Variants in IVD observed in about 807,000 individuals in gnomAD.
IVD encodes isovaleryl-CoA dehydrogenase, mitochondrial.
A neutral mutation model predicts 51.3 loss-of-function variants in IVD; 31 were observed. The ratio of observed to expected loss-of-function variants is 0.60; its 90% CI spans 0.45 to 0.81. The LOEUF is 0.81. Among genes scored for constraint, IVD ranks in the 40% least tolerant of loss-of-function variants. The pLI is 0.00. For synonymous variants in IVD, 205 were observed against 219.4 expected, an observed-to-expected ratio of 0.93 and a Z score of 0.58; for missense variants, 475 against 552.0, an observed-to-expected ratio of 0.86 and a Z score of 1.40.
At chr15:40,429,012 C>T (rs745627870), downstream of IVD, among the ~76,000 whole-genome samples, 22 of 152,170 alleles carry the variant, frequency 1.4e-4, no homozygotes, top group Non-Finnish European at 2.9e-4. Context: ...TCCCTATGGC[C>T]ACTCCTGTGG....
At chr15:40,410,087 C>T (rs987545723) in intron 3 of IVD, among the ~76,000 whole-genome samples, 4 of 152,118 alleles carry the variant, frequency 2.6e-5, no homozygotes, top group East Asian at 1.9e-4. Flanking sequence ...CTGCCCACCT[C>T]AGCCTCCCAA....
At position 40,421,007 on chromosome 15, in the gene IVD, G is replaced by A; in HGVS notation, c.*2744G>A. ...CCTAGCCTGAGGCTTGAGACAGGTG[G>A]GGTTGGCTCCTCACCAACCCCAGTT... On this transcript the variant is annotated 3_prime_UTR_variant, in exon 12 of 12. Coordinates refer to ENST00000487418, the MANE Select transcript of IVD (RefSeq NM_002225.5). 2 of 985,490 alleles carry A rather than the reference G, an allele frequency of 2.0e-6. No individual in the cohort carries two copies. Among genetic ancestry groups the A allele is most frequent in the Non-Finnish European group, 2.4e-6 (2 of 829,976 alleles). The allele number at this position is 985,490 out of a possible 1,614,324, so 61.0% of individuals were successfully genotyped here.
At chr15:40,431,713 A>G (rs983261599) in intron 7 of IVD, among the ~76,000 whole-genome samples, 2 of 151,882 alleles carry the variant, frequency 1.3e-5, no homozygotes, top group Non-Finnish European at 2.9e-5. Flanking sequence ...AAAAAAGATT[A>G]TGTGTAAAGA....
At position 40,418,359 on chromosome 15, in the gene IVD, C is replaced by A. The variant is rs751207255; in HGVS notation, c.*96C>A. On this transcript the variant is annotated 3_prime_UTR_variant, in exon 12 of 12. Transcript: ENST00000487418. ...CCCACCCTGCCCACAGCAGGCCCTC[C>A]TGCCCAGCTGCTCTTGTCAGCCCTC... The A allele has an allele frequency of 5.6e-6, 9 of 1,599,148 alleles. No homozygotes were observed. The highest frequency in any genetic ancestry group is 1.3e-5 in the African/African-American group (1 of 74,694).
downstream of IVD, among the ~76,000 whole-genome samples, chr15:40,421,885 G>A (rs1892326224): frequency 6.6e-6 from 1 of 152,190 alleles, no homozygotes; most frequent in Non-Finnish European, 1.5e-5. Flanking sequence ...GACTAGACCT[G>A]GTGTCAACAC....
At chr15:40,435,302 A>G in intron 8 of IVD, 3 of 673,286 alleles carry the variant, frequency 4.5e-6, no homozygotes, top group Non-Finnish European at 5.5e-6. Flanking sequence ...GGAGGAGTGG[A>G]GCATGGGGGT....
At chr15:40,416,595 G>T (rs549212475) in intron 11 of IVD, among the ~76,000 whole-genome samples, 3 of 152,284 alleles carry the variant, frequency 2.0e-5, no homozygotes, top group Admixed American at 2.0e-4. Flanking sequence ...TACTTGGGAG[G>T]CTGAGGCAGG....
Position 40,418,495 on chromosome 15 carries a change from A to G in IVD, c.*232A>G, listed in dbSNP as rs1891958090. Reference sequence around the variant, plus strand: ...TGTGATTTAAAATGGACTCAGCAGGAAGCATATTGTCTGGGGATTGTTGGG... The same window carrying G: ...TGTGATTTAAAATGGACTCAGCAGGGAGCATATTGTCTGGGGATTGTTGGG... On this transcript the variant is annotated 3_prime_UTR_variant, in exon 12 of 12. Transcript: ENST00000487418. 1 of 1,359,316 alleles carries G rather than the reference A, an allele frequency of 7.4e-7. No individual in the cohort carries two copies. The highest frequency in any genetic ancestry group is 1.5e-5 in the African/African-American group (1 of 68,082). The allele number at this position is 1,359,316 out of a possible 1,614,324, so 84.2% of individuals were successfully genotyped here.
chr15:40,435,337 G>A, intron 8 of IVD: 1 of 952,396 alleles, frequency 1.0e-6, no homozygotes. Flanking sequence ...CCCGGGGAAA[G>A]AGATGGTAGA....
downstream of IVD, among the ~76,000 whole-genome samples, chr15:40,423,903 G>A (rs898281610): frequency 6.6e-6 from 1 of 152,190 alleles, no homozygotes; most frequent in African/African-American, 2.4e-5. Flanking sequence ...TCACATTCCT[G>A]GCTGTCCCCA....
At chr15:40,417,502 CAAAA>C (rs61345321) in intron 11 of IVD, among the ~76,000 whole-genome samples, 1 of 88,634 alleles carries the variant, frequency 1.1e-5, no homozygotes, top group African/African-American at 3.9e-5. Context: ...AGCATGACTC[CAAAA>C]AAAAAAAAAA....
chr15:40,426,331 A>T (rs1892672173), downstream of IVD, among the ~76,000 whole-genome samples: 1 of 152,012 alleles, frequency 6.6e-6, no homozygotes, highest in African/African-American at 2.4e-5. Context: ...TGAGGTCAGG[A>T]GTTTGAAACA....
downstream of IVD, chr15:40,421,429 T>C (rs1024851025): frequency 7.1e-6 from 7 of 982,984 alleles, no homozygotes; most frequent in Non-Finnish European, 7.2e-6. Context: ...GCACTGCTCC[T>C]TCCTGCGGCT....
At chr15:40,427,197 CAAG>C (rs1191477066), downstream of IVD, among the ~76,000 whole-genome samples, 1 of 152,210 alleles carries the variant, frequency 6.6e-6, no homozygotes, top group Non-Finnish European at 1.5e-5. Context: ...AGGAAGGAAG[CAAG>C]AAGACTAGGG....
chr15:40,435,516 A>G, exon 9 of IVD: 1 of 1,249,864 alleles, frequency 8.0e-7, no homozygotes, highest in Non-Finnish European at 1.0e-6. Flanking sequence ...CTGAGATGCA[A>G]GATCCTCCTG....
Position 40,418,187 on chromosome 15 carries a change from T to A in IVD, c.1196T>A (p.Leu399Gln), listed in dbSNP as rs368989378. 1.9e-6 allele frequency: 3 copies of A among 1,614,100 alleles called. No homozygotes were observed. Among genetic ancestry groups the A allele is most frequent in the African/African-American group, 2.7e-5 (2 of 74,948 alleles). ...GGCCGCTTTCTTCGAGATGCCAAGC[T>A]GTATGAGATAGGGGCTGGGACCAGC... is the stretch of plus-strand genomic sequence containing the variant. ...PMGRFLRDAK[L>Q]YEIGAGTSEV... The change falls in exon 12 of 12, where the codon CTG becomes CAG. Residue 399 changes from leucine to glutamine, a missense_variant. Physicochemically the swap from Leu to Gln is moderately radical, Grantham distance 113. Coordinates refer to ENST00000487418, the MANE Select transcript of IVD (RefSeq NM_002225.5).
downstream of IVD, among the ~76,000 whole-genome samples, chr15:40,425,267 G>A (rs1892601320): frequency 6.6e-6 from 1 of 152,226 alleles, no homozygotes; most frequent in African/African-American, 2.4e-5. Flanking sequence ...AATGAAGACA[G>A]TATTCCAAGC....
Position 40,418,647 on chromosome 15 carries a change from C to T in IVD, c.*384C>T. 8.7e-7 allele frequency: 1 copy of T among 1,151,468 alleles called. No homozygotes were observed. Among genetic ancestry groups the T allele is most frequent in the Non-Finnish European group, 1.1e-6 (1 of 925,712 alleles). 71.3% of individuals were successfully genotyped at this position (1,151,468 alleles called of 1,614,324 possible). ...CCTGGGGGCATGCAGGTACCCACCTCTTTCTCTTGGGTGAGGCTCTGGCAA... is the reference window on the plus strand; with the variant it reads ...CCTGGGGGCATGCAGGTACCCACCTTTTTCTCTTGGGTGAGGCTCTGGCAA... On this transcript the variant is annotated 3_prime_UTR_variant, in exon 12 of 12. Transcript: ENST00000487418.
chr15:40,421,291 C>CA lies in IVD; in HGVS notation c.*3036dup, dbSNP rs5812161. The CA allele has an allele frequency of 1.5e-4, 149 of 984,728 alleles. No homozygotes were observed. The highest frequency in any genetic ancestry group is 1.2e-3 in the African/African-American group (69 of 56,984). 61.0% of individuals were successfully genotyped at this position (984,728 alleles called of 1,614,324 possible). On this transcript the variant is annotated 3_prime_UTR_variant, in exon 12 of 12. Transcript: ENST00000487418. ...AAAATAAATGTTTTAAAATTAAAAG[C>CA]AAAAAAAACAAAATGAACCATGCAG...
Sources: gnomAD v4.1 joint callset for allele counts (sites outside exome capture counted in the v4.1 genomes callset) on GRCh38, gnomAD v4.1.1 for gene constraint, MANE v1.5 for transcripts, NCBI Gene and HGNC (gene_info 2026-07-23, HGNC 2026-07-21) for gene names.